MDGA2: variants seen among roughly 807,000 people sequenced by gnomAD.
MDGA2 encodes the protein MAM domain containing glycosylphosphatidylinositol anchor 2.
MDGA2 carries 40 observed loss-of-function variants against 117.8 expected under a neutral mutation model. That is an observed-to-expected ratio of 0.34 (90% CI 0.26 to 0.44). MDGA2 has a LOEUF of 0.44. Among genes scored for constraint, MDGA2 ranks in the 20% least tolerant of loss-of-function variants. MDGA2 has a pLI of 1.00. For missense variants in MDGA2, 1,123 were observed against 1,250.6 expected (o/e 0.90, Z 1.54); for synonymous variants, 452 against 439.0 (o/e 1.03, Z -0.37).
At chr14:47,244,036 G>A (rs1887158349) in intron 2 of MDGA2, among the ~76,000 whole-genome samples, 2 of 151,324 alleles carry the variant, frequency 1.3e-5, no homozygotes, top group Non-Finnish European at 3.0e-5. Context: ...CCCTTTTTTG[G>A]CATTTAGCAG....
intron 3 of MDGA2, among the ~76,000 whole-genome samples, chr14:47,149,630 G>T (rs1054187549): frequency 1.3e-5 from 2 of 152,080 alleles, no homozygotes; most frequent in Admixed American, 1.3e-4. Context: ...TGAGTCATTT[G>T]GTCCTTTTTT....
chr14:47,131,702 A>G lies in MDGA2; in HGVS notation c.925+12T>C. The G allele has an allele frequency of 1.3e-6, 2 of 1,491,874 alleles. No homozygotes were observed. Among genetic ancestry groups the G allele is most frequent in the Non-Finnish European group, 1.8e-6 (2 of 1,101,500 alleles). 92.4% of individuals were successfully genotyped at this position (1,491,874 alleles called of 1,614,324 possible). ...GATAAGATACATGTAACATACAGAG[A>G]TAATTCCATACCTGTTTTATTGGAC... On this transcript the variant is annotated intron_variant, in intron 5 of 16. Coordinates refer to ENST00000399232, the MANE Select transcript of MDGA2 (RefSeq NM_001113498.3).
At chr14:47,078,587 T>C (rs1257184634) in intron 6 of MDGA2, among the ~76,000 whole-genome samples, 3 of 152,152 alleles carry the variant, frequency 2.0e-5, no homozygotes, top group African/African-American at 7.2e-5. Flanking sequence ...TTTTTCCTTC[T>C]CAAATTTGGG....
At chr14:47,134,763 T>TAC (rs200325713) in intron 4 of MDGA2, among the ~76,000 whole-genome samples, 21 of 147,408 alleles carry the variant, frequency 1.4e-4, no homozygotes, top group South Asian at 2.1e-4. Flanking sequence ...TGTGTATATA[T>TAC]ACACACACAC....
chr14:47,390,736 C>T (rs1041591469), intron 1 of MDGA2, among the ~76,000 whole-genome samples: 1 of 152,136 alleles, frequency 6.6e-6, no homozygotes, highest in Admixed American at 6.6e-5. Context: ...CGGTTTCTTT[C>T]TCCTTTACTT....
At chr14:47,323,149 G>GATATATATATATATATATATATATAT (rs58765297) in intron 1 of MDGA2, among the ~76,000 whole-genome samples, 1 of 107,700 alleles carries the variant, frequency 9.3e-6, no homozygotes, top group Non-Finnish European at 1.9e-5. Flanking sequence ...AAGAGTCATG[G>GATATATATATATATATATATATATAT]ATATATATAT....
chr14:47,005,497 T>C (rs1362881027), intron 8 of MDGA2, among the ~76,000 whole-genome samples: 1 of 151,676 alleles, frequency 6.6e-6, no homozygotes, highest in Non-Finnish European at 1.5e-5. Context: ...TATATATTGC[T>C]TGATTCAGTT....
In MDGA2 at chr14:47,247,681, T is replaced by A. The variant is rs542083460; in HGVS notation, c.421-29486A>T. ...ATTATACTTTAAGTTCTGGGATACA[T>A]GTGCAGAATGTGCAGGTTTGTTACA... On this transcript the variant is annotated intron_variant, in intron 2 of 16. Coordinates refer to ENST00000399232, the MANE Select transcript of MDGA2 (RefSeq NM_001113498.3). Among the ~76,000 whole-genome samples, 7 of 150,216 alleles carry A rather than the reference T, an allele frequency of 4.7e-5. No homozygotes were observed. In the East Asian group the frequency reaches 1.4e-3, roughly 29 times the overall value.
Position 47,070,233 on chromosome 14 carries a change from C to T in MDGA2, c.1196-8655G>A, listed in dbSNP as rs537077074. Among the ~76,000 whole-genome samples, 16 of 152,232 alleles carry T rather than the reference C, an allele frequency of 1.1e-4. 1 individual carries two copies. Among genetic ancestry groups the T allele is most frequent in the East Asian group, 3.9e-4 (2 of 5,174 alleles). On this transcript the variant is annotated intron_variant, in intron 6 of 16. Transcript: ENST00000399232. ...TCCTCCCCCAATCCCACCCCTGTTC[C>T]GGTAATCATCCTTCTATTCTGTTAC...
In MDGA2 at chr14:47,171,579, C is replaced by T. The variant is rs563631844; in HGVS notation, c.596-27305G>A. Among the ~76,000 whole-genome samples, 130 of 152,208 alleles carry T rather than the reference C, an allele frequency of 8.5e-4. 1 individual carries two copies. Among genetic ancestry groups the T allele is most frequent in the Non-Finnish European group, 1.4e-3 (95 of 68,006 alleles). On this transcript the variant is annotated intron_variant, in intron 3 of 16. Coordinates refer to ENST00000399232, the MANE Select transcript of MDGA2 (RefSeq NM_001113498.3). ...TGTTCAAAGGGAAGTAGTTTCTTTC[C>T]TGAAAATATACATTTTGAATGCATG...
chr14:47,239,879 A>G (rs1476499691), intron 2 of MDGA2, among the ~76,000 whole-genome samples: 1 of 151,450 alleles, frequency 6.6e-6, no homozygotes, highest in African/African-American at 2.4e-5. Context: ...TTAGGCATAC[A>G]TTTTTTTCCC....
intron 8 of MDGA2, among the ~76,000 whole-genome samples, chr14:47,003,841 A>T (rs888429097): frequency 1.3e-5 from 2 of 151,998 alleles, no homozygotes; most frequent in African/African-American, 4.8e-5. Context: ...TACATTTAAG[A>T]AATTATGAAA....
rs371824319 is a variant in MDGA2, at chr14:46,989,332, A to AAG, written c.1820-31690_1820-31689insCT. ...AGGATAGCTGCACTGGAAAAAAAAA[A>AAG]GGGGGGTATCCTTGTGAAGACAATA... On this transcript the variant is annotated intron_variant, in intron 8 of 16. Coordinates refer to ENST00000399232, the MANE Select transcript of MDGA2 (RefSeq NM_001113498.3). 1.1e-3 allele frequency among the ~76,000 whole-genome samples: 173 copies of AAG among 151,386 alleles called. 3 individuals are homozygous for AAG. Among genetic ancestry groups the AAG allele is most frequent in the Middle Eastern group, 3.4e-3 (1 of 292 alleles).
intron 1 of MDGA2, among the ~76,000 whole-genome samples, chr14:47,666,387 A>T (rs1381544641): frequency 6.8e-6 from 1 of 147,256 alleles, no homozygotes; most frequent in Non-Finnish European, 1.5e-5. Context: ...TAGCTAAGGG[A>T]TTGTGAATAC....
chr14:47,573,340 A>G (rs1042213919), intron 1 of MDGA2, among the ~76,000 whole-genome samples: 4 of 152,152 alleles, frequency 2.6e-5, no homozygotes, highest in African/African-American at 9.7e-5. Context: ...TACATAGACT[A>G]TTACTAGCTC....
intron 1 of MDGA2, among the ~76,000 whole-genome samples, chr14:47,423,432 T>G (rs1462062344): frequency 1.3e-5 from 2 of 152,136 alleles, no homozygotes; most frequent in Non-Finnish European, 2.9e-5. Context: ...TTCACCTAAT[T>G]TAATCATCAG....
At chr14:46,963,235 C>A (rs7160949) in intron 8 of MDGA2, among the ~76,000 whole-genome samples, 17,937 of 152,126 alleles carry the variant, frequency 0.12, 2,018 homozygotes, top group African/African-American at 0.27. Context: ...GGAGCTTATA[C>A]ATTTGTCACT....
At chr14:47,508,352 A>ACTCTCT (rs3039658) in intron 1 of MDGA2, among the ~76,000 whole-genome samples, 30,923 of 132,520 alleles carry the variant, frequency 0.23, 3,857 homozygotes, top group East Asian at 0.44. Flanking sequence ...TTGCTGATTG[A>ACTCTCT]CTCTCTCTCT....
chr14:46,958,314 A>G (rs1243084128), intron 8 of MDGA2, among the ~76,000 whole-genome samples: 2 of 152,196 alleles, frequency 1.3e-5, no homozygotes, highest in African/African-American at 4.8e-5. Flanking sequence ...TGTTCAGAGA[A>G]ATGCAGATGG....
Sources: allele counts gnomAD v4.1 joint callset (sites outside exome capture counted in the v4.1 genomes callset), GRCh38; gene constraint gnomAD v4.1.1; transcripts MANE v1.5; gene names NCBI Gene and HGNC (gene_info 2026-07-23, HGNC 2026-07-21).